OR10Z1: variants seen among roughly 807,000 people sequenced by gnomAD.
The protein encoded by OR10Z1 is olfactory receptor 10Z1.
For synonymous variants in OR10Z1, 187 were observed against 151.2 expected, an observed-to-expected ratio of 1.24 and a Z score of -1.74; for missense variants, 468 against 371.0, an observed-to-expected ratio of 1.26 and a Z score of -2.15.
Position 158,606,730 on chromosome 1 carries a change from G to T in OR10Z1, c.292G>T (p.Ala98Ser). The change falls in exon 2 of 2, where the codon GCT becomes TCT. Residue 98 changes from alanine to serine, a missense_variant. Transcript: ENST00000641002. ...CCAGGCTATCTCCTATGTGGGCTGT[G>T]CTGCCCAGATGTTCTTTTCTGCCTC... ...GDQAISYVGC[A>S]AQMFFSASWA... 3.1e-6 allele frequency: 5 copies of T among 1,614,052 alleles called. No homozygotes were observed.
rs965061015 is a variant in OR10Z1 at position 158,611,853 on chromosome 1, T to C, written c.*4473T>C. 1 of 172,968 alleles carries C rather than the reference T, an allele frequency of 5.8e-6. No homozygotes were observed. Among genetic ancestry groups the C allele is most frequent in the Non-Finnish European group, 1.2e-5 (1 of 81,400 alleles). 10.7% of individuals were successfully genotyped at this position (172,968 alleles called of 1,614,324 possible). A position where few individuals can be genotyped will look rare whatever the true frequency, so the allele number is the denominator to read the frequency against. On this transcript the variant is annotated 3_prime_UTR_variant, in exon 2 of 2. Coordinates refer to ENST00000641002, the MANE Select transcript of OR10Z1 (RefSeq NM_001004478.2). ...CCTATGATCCTCTTATGCCAAAGAG[T>C]TCCTCTATTCACTGTGCTGTTTGAT... is the stretch of plus-strand genomic sequence containing the variant.
chr1:158,606,584 T>C lies in OR10Z1; in HGVS notation c.146T>C (p.Ile49Thr). ...LTSNVFIIIAIRLDSHLHTPM... is the reference protein window; with the variant it reads ...LTSNVFIIIATRLDSHLHTPM... The stretch of plus-strand genomic sequence containing the variant: ...AGCAATGTCTTCATTATCATAGCCA[T>C]CAGGCTGGATAGCCATCTGCACACC... The change falls in exon 2 of 2, where the codon ATC becomes ACC. Residue 49 changes from isoleucine to threonine, a missense_variant. Coordinates refer to ENST00000641002, the MANE Select transcript of OR10Z1 (RefSeq NM_001004478.2). 1 of 1,613,968 alleles carries C rather than the reference T, an allele frequency of 6.2e-7. No homozygotes were observed. Among genetic ancestry groups the C allele is most frequent in the African/African-American group, 1.3e-5 (1 of 75,036 alleles).
chr1:158,611,055 T>G lies in OR10Z1; in HGVS notation c.*3675T>G, dbSNP rs1220228862. 4 of 627,844 alleles carry G rather than the reference T, an allele frequency of 6.4e-6. No individual in the cohort carries two copies. The Admixed American group carries it at 1.1e-4, about 17-fold the overall frequency. The allele number at this position is 627,844 out of a possible 1,614,324, so 38.9% of individuals were successfully genotyped here. ...ACAAAATAGCTTCCACTCCTCCAAC[T>G]CTATTAACCTTTCTATCTCCCACCC... On this transcript the variant is annotated 3_prime_UTR_variant, in exon 2 of 2. Coordinates refer to ENST00000641002, the MANE Select transcript of OR10Z1 (RefSeq NM_001004478.2).
Position 158,606,812 on chromosome 1 carries a change from C to A in OR10Z1, c.374C>A (p.Ala125Asp). ...LAAMGFDRYVAICAPLHYASH... is the reference protein window; with the variant it reads ...LAAMGFDRYVDICAPLHYASH... ...GCCATGGGCTTTGACAGATATGTGG[C>A]CATCTGTGCTCCACTCCACTATGCC... is the stretch of plus-strand genomic sequence containing the variant. The change falls in exon 2 of 2, where the codon GCC becomes GAC. Residue 125 changes from alanine (A) to aspartate (D), a missense_variant. Physicochemically the swap from Ala to Asp is moderately radical, Grantham distance 126 (BLOSUM62 -2). Coordinates refer to ENST00000641002, the MANE Select transcript of OR10Z1 (RefSeq NM_001004478.2). 3 of 1,613,942 alleles carry A rather than the reference C, an allele frequency of 1.9e-6. No homozygotes were observed. The highest frequency in any genetic ancestry group is 2.5e-6 in the Non-Finnish European group (3 of 1,179,944).
rs1001333654 is a variant in OR10Z1, at chr1:158,606,499, G to T, written c.61G>T (p.Gly21Trp). The T allele has an allele frequency of 1.2e-6, 2 of 1,613,940 alleles. No homozygotes were observed. The highest frequency in any genetic ancestry group is 2.7e-5 in the African/African-American group (2 of 75,008). ...TGTCTTCCTGGGCTTCTCCAGTTCT[G>T]GGGAGTTGCAGCTCCTTCTCTTTGC... ...DFVFLGFSSS[G>W]ELQLLLFALF... Residue 21 changes from glycine (G) to tryptophan (W), a missense_variant, in exon 2 of 2, where the codon GGG becomes TGG. Physicochemically the swap from Gly to Trp is radical, Grantham distance 184. Coordinates refer to ENST00000641002, the MANE Select transcript of OR10Z1 (RefSeq NM_001004478.2).
In OR10Z1 at chr1:158,609,651, A is replaced by T. The variant is rs1649153855; in HGVS notation, c.*2271A>T. The T allele has an allele frequency of 6.6e-6, 1 of 152,138 alleles. No homozygotes were observed. Among genetic ancestry groups the T allele is most frequent in the African/African-American group, 2.4e-5 (1 of 41,442 alleles). The allele number at this position is 152,138 out of a possible 1,614,324, so 9.4% of individuals were successfully genotyped here. A position where few individuals can be genotyped will look rare whatever the true frequency, so the allele number is the denominator to read the frequency against. ...TTTGGAATCTATCTAATTTGTTTCT[A>T]CCTTGAAACAATTGATTTGGGATAG... On this transcript the variant is annotated 3_prime_UTR_variant, in exon 2 of 2. Transcript: ENST00000641002.
Position 158,611,153 on chromosome 1 carries a change from A to C in OR10Z1, c.*3773A>C. ...CAAGCACACACACACACACACACAC[A>C]CACACACACACACGAGGCCATCTTT... On this transcript the variant is annotated 3_prime_UTR_variant, in exon 2 of 2. Transcript: ENST00000641002. The C allele has an allele frequency of 1.5e-6, 2 of 1,329,696 alleles. No homozygotes were observed. Among genetic ancestry groups the C allele is most frequent in the Non-Finnish European group, 1.1e-6 (1 of 932,148 alleles). 82.4% of individuals were successfully genotyped at this position (1,329,696 alleles called of 1,614,324 possible).
Position 158,606,922 on chromosome 1 carries a change from G to T in OR10Z1, c.484G>T (p.Val162Phe), listed in dbSNP as rs28565358. 1.0e-4 allele frequency: 167 copies of T among 1,614,028 alleles called. 1 individual carries two copies. In the African/African-American group the frequency reaches 1.9e-3, roughly 19 times the overall value. ...GYLFGLGMTL[V>F]IFHLSFCSSH... ...CCTCTTTGGACTGGGAATGACACTA[G>T]TTATTTTCCACCTCTCATTCTGCAG... is the stretch of plus-strand genomic sequence containing the variant. Residue 162 changes from valine (V) to phenylalanine (F), a missense_variant, in exon 2 of 2, where the codon GTT becomes TTT. Physicochemically the swap from Val to Phe is conservative, Grantham distance 50 (BLOSUM62 -1). Coordinates refer to ENST00000641002, the MANE Select transcript of OR10Z1 (RefSeq NM_001004478.2).
In OR10Z1 at chr1:158,611,131, G is replaced by GCGCACACACA. The variant is rs879208333; in HGVS notation, c.*3752_*3753insGCACACACAC. 6.3e-4 allele frequency: 421 copies of GCGCACACACA among 671,404 alleles called. No individual in the cohort carries two copies. The highest frequency in any genetic ancestry group is 1.6e-3 in the South Asian group (96 of 59,584). The allele number at this position is 671,404 out of a possible 1,614,324, so 41.6% of individuals were successfully genotyped here. On this transcript the variant is annotated 3_prime_UTR_variant, in exon 2 of 2. Coordinates refer to ENST00000641002, the MANE Select transcript of OR10Z1 (RefSeq NM_001004478.2). ...AAATGTAATATGCACACAAACACAA[G>GCGCACACACA]CACACACACACACACACACACACAC...
Position 158,611,515 on chromosome 1 carries a change from T to A in OR10Z1, c.*4135T>A. 9.9e-7 allele frequency: 1 copy of A among 1,010,560 alleles called. No homozygotes were observed. The highest frequency in any genetic ancestry group is 1.5e-6 in the Non-Finnish European group (1 of 686,292). 62.6% of individuals were successfully genotyped at this position (1,010,560 alleles called of 1,614,324 possible). A position where few individuals can be genotyped will look rare whatever the true frequency, so the allele number is the denominator to read the frequency against. The stretch of plus-strand genomic sequence containing the variant: ...CTCTGGAAGACGCAAGCCCTATTTC[T>A]ATTACACACAATTTTTATCTCATAA... On this transcript the variant is annotated 3_prime_UTR_variant, in exon 2 of 2. Transcript: ENST00000641002.
rs1649055791 is a variant in OR10Z1, at chr1:158,606,608, C to T, written c.170C>T (p.Thr57Ile). The change falls in exon 2 of 2, where the codon ACC (threonine) becomes ATC (isoleucine). Residue 57 changes from threonine to isoleucine, a missense_variant. Transcript: ENST00000641002. ...IAIRLDSHLH[T>I]PMYLFLSFLS... ...ATCAGGCTGGATAGCCATCTGCACA[C>T]CCCCATGTACCTCTTCCTTTCCTTC... 1.9e-6 allele frequency: 3 copies of T among 1,614,056 alleles called. No homozygotes were observed. Among genetic ancestry groups the T allele is most frequent in the Non-Finnish European group, 1.7e-6 (2 of 1,179,930 alleles).
chr1:158,605,955 GTATCTT>G (rs1473824096), intron 1 of OR10Z1, among the ~76,000 whole-genome samples: 1 of 152,150 alleles, frequency 6.6e-6, no homozygotes, highest in African/African-American at 2.4e-5. Context: ...TGTGGTGTGT[GTATCTT>G]TATATGTGAT....
Position 158,607,731 on chromosome 1 carries a change from C to G in OR10Z1, c.*351C>G, listed in dbSNP as rs114114792. ...CAAAATGAGGGAAGTTTGGAGTGTT[C>G]AAGTTCAAGGCAGGGCTGGCTGGAG... is the stretch of plus-strand genomic sequence containing the variant. On this transcript the variant is annotated 3_prime_UTR_variant, in exon 2 of 2. Transcript: ENST00000641002. The G allele has an allele frequency of 5.5e-3, 1,060 of 193,906 alleles. 13 individuals are homozygous for G. The highest frequency in any genetic ancestry group is 0.024 in the African/African-American group (1,004 of 42,678). 12.0% of individuals were successfully genotyped at this position (193,906 alleles called of 1,614,324 possible).
chr1:158,606,371 A>T lies in OR10Z1; in HGVS notation c.-68A>T. 2.1e-6 allele frequency: 2 copies of T among 947,778 alleles called. No homozygotes were observed. Among genetic ancestry groups the T allele is most frequent in the Non-Finnish European group, 3.3e-6 (2 of 613,730 alleles). 58.7% of individuals were successfully genotyped at this position (947,778 alleles called of 1,614,324 possible). ...AAAGAATCCATATCATCCACCTTTT[A>T]AAGAAGTTAGGCATCTACTGGCAAG... On this transcript the variant is annotated 5_prime_UTR_variant, in exon 2 of 2. Coordinates refer to ENST00000641002, the MANE Select transcript of OR10Z1 (RefSeq NM_001004478.2).
chr1:158,607,026 G>A lies in OR10Z1; in HGVS notation c.588G>A (p.Glu196=). ...SLACGDTGPS[E]LRIFILSLLV... Reference sequence around the variant, plus strand: ...CCTGTGGAGATACAGGCCCGAGTGAGCTGAGGATCTTTATCCTCAGTCTTT... The same window carrying A: ...CCTGTGGAGATACAGGCCCGAGTGAACTGAGGATCTTTATCCTCAGTCTTT... The change falls in exon 2 of 2, where the codon GAG becomes GAA. Residue 196 remains glutamate, a synonymous_variant. Coordinates refer to ENST00000641002, the MANE Select transcript of OR10Z1 (RefSeq NM_001004478.2). The A allele has an allele frequency of 1.9e-6, 3 of 1,614,022 alleles. No homozygotes were observed. Among genetic ancestry groups the A allele is most frequent in the Non-Finnish European group, 2.5e-6 (3 of 1,179,962 alleles).
At position 158,611,004 on chromosome 1, in the gene OR10Z1, C is replaced by A; in HGVS notation, c.*3624C>A. On this transcript the variant is annotated 3_prime_UTR_variant, in exon 2 of 2. Coordinates refer to ENST00000641002, the MANE Select transcript of OR10Z1 (RefSeq NM_001004478.2). ...GAACAAATAAAAATAGAAACTTTGA[C>A]ACCCCTCAGCAGTGACTAGTTGCAT... 1 of 395,538 alleles carries A rather than the reference C, an allele frequency of 2.5e-6. No homozygotes were observed. Among genetic ancestry groups the A allele is most frequent in the Non-Finnish European group, 4.6e-6 (1 of 215,926 alleles). The allele number at this position is 395,538 out of a possible 1,614,324, so 24.5% of individuals were successfully genotyped here.
rs1229945326 is a variant in OR10Z1, at chr1:158,606,681, GCT to G, written c.248_249del (p.Ser83TrpfsTer28). On this transcript the variant is annotated frameshift_variant, in exon 2 of 2. Transcript: ENST00000641002. LOFTEE classifies it low-confidence loss of function (END_TRUNC). ...CYTLGIIPRM[L>X]SGLAGGDQAI... ...ACACTTTGGGCATCATCCCTAGAAT[GCT>G]CTCTGGCCTGGCTGGGGGGGACCAG... 1 of 1,613,884 alleles carries G rather than the reference GCT, an allele frequency of 6.2e-7. No individual in the cohort carries two copies. Among genetic ancestry groups the G allele is most frequent in the East Asian group, 2.2e-5 (1 of 44,882 alleles).
chr1:158,611,456 C>T lies in OR10Z1; in HGVS notation c.*4076C>T, dbSNP rs1553222116. The stretch of plus-strand genomic sequence containing the variant: ...AAAATAGCTGGTTCCTTGGGGCTTC[C>T]CATATTACGCCATAAATGCAGGAGA... On this transcript the variant is annotated 3_prime_UTR_variant, in exon 2 of 2. Transcript: ENST00000641002. 6.3e-7 allele frequency: 1 copy of T among 1,580,226 alleles called. No homozygotes were observed. Among genetic ancestry groups the T allele is most frequent in the Non-Finnish European group, 8.7e-7 (1 of 1,153,148 alleles).
chr1:158,606,007 A>G (rs1649038519), intron 1 of OR10Z1, among the ~76,000 whole-genome samples: 1 of 152,206 alleles, frequency 6.6e-6, no homozygotes, highest in Non-Finnish European at 1.5e-5. Context: ...ATCTATATAC[A>G]TATGTGTTTG....
Sources: allele counts gnomAD v4.1 joint callset (sites outside exome capture counted in the v4.1 genomes callset), GRCh38; gene constraint gnomAD v4.1.1; transcripts MANE v1.5; gene names NCBI Gene and HGNC (gene_info 2026-07-23, HGNC 2026-07-21).